The following NRG3 variants were observed in gnomAD, a reference collection of about 807,000 sequenced individuals.
NRG3 encodes the protein neuregulin 3, also known as pro-neuregulin-3, membrane-bound isoform.
In NRG3, 31 loss-of-function variants were observed where a neutral mutation model predicts 66.9. That is an observed-to-expected ratio of 0.46 (90% CI 0.35 to 0.63). The LOEUF (loss-of-function observed/expected upper bound fraction) is 0.63, where lower values mean the gene tolerates loss of function less well. Ranked by LOEUF, NRG3 falls within the 20% of genes least tolerant of loss-of-function variation. NRG3 has a pLI of 0.00. For synonymous variants in NRG3, 393 were observed against 359.4 expected, an observed-to-expected ratio of 1.09 and a Z score of -1.06; for missense variants, 910 against 878.9, an observed-to-expected ratio of 1.04 and a Z score of -0.45.
rs1224575870 is a variant in NRG3 at position 82,724,936 on chromosome 10, C to A, written c.954-13641C>A. ...TGCTTCAGGGAATCATCTACACAAC[C>A]CAGGCAGAGAAGGCTGGCCTCTTTG... On this transcript the variant is annotated intron_variant, in intron 2 of 8. Coordinates refer to ENST00000372141, the MANE Select transcript of NRG3 (RefSeq NM_001010848.4). 2.6e-5 allele frequency among the ~76,000 whole-genome samples: 4 copies of A among 152,108 alleles called. No individual in the cohort carries two copies. The East Asian group carries it at 7.7e-4, about 29-fold the overall frequency.
intron 2 of NRG3, among the ~76,000 whole-genome samples, chr10:82,428,416 AT>A (rs2089588060): frequency 6.6e-6 from 1 of 151,808 alleles, no homozygotes; most frequent in Non-Finnish European, 1.5e-5. Context: ...TGATTTCCTA[AT>A]TCCCCTTGTG....
chr10:81,876,036 C>G lies in NRG3; in HGVS notation c.696C>G (p.Ser232=), dbSNP rs755158937. The G allele has an allele frequency of 6.2e-7, 1 of 1,613,926 alleles. No homozygotes were observed. Among genetic ancestry groups the G allele is most frequent in the South Asian group, 1.1e-5 (1 of 91,082 alleles). Reference sequence around the variant, plus strand: ...GGCCTACTGCGGCATACGCTACCTCCTCCTACCTTCACGATTCTACTCCCT... The same window carrying G: ...GGCCTACTGCGGCATACGCTACCTCGTCCTACCTTCACGATTCTACTCCCT... ...PSWPTAAYAT[S]SYLHDSTPSW... The change falls in exon 1 of 9, where the codon TCC becomes TCG. Residue 232 remains serine (S), a synonymous_variant. Transcript: ENST00000372141.
intron 1 of NRG3, among the ~76,000 whole-genome samples, chr10:82,209,210 C>T (rs887885666): frequency 6.6e-6 from 1 of 152,148 alleles, no homozygotes; most frequent in African/African-American, 2.4e-5. Context: ...ATCATTTCAG[C>T]AGCAGCAGTA....
At chr10:82,398,535 G>A (rs531897841) in intron 2 of NRG3, among the ~76,000 whole-genome samples, 1 of 151,098 alleles carries the variant, frequency 6.6e-6, no homozygotes, top group South Asian at 2.1e-4. Context: ...GTGAGAGAGA[G>A]AGAGAGAGAG....
At chr10:82,790,868 T>C (rs1325812731) in intron 3 of NRG3, among the ~76,000 whole-genome samples, 3 of 151,920 alleles carry the variant, frequency 2.0e-5, no homozygotes, top group African/African-American at 7.2e-5. Context: ...TTTGAACCCC[T>C]CTAGTGAACT....
chr10:82,424,452 TA>T (rs1564905650), intron 2 of NRG3, among the ~76,000 whole-genome samples: 1 of 152,034 alleles, frequency 6.6e-6, no homozygotes, highest in Non-Finnish European at 1.5e-5. Flanking sequence ...TTTGGAGTAA[TA>T]TTTTTCAAAT....
At chr10:82,402,933 T>A (rs954654468) in intron 2 of NRG3, among the ~76,000 whole-genome samples, 12 of 152,168 alleles carry the variant, frequency 7.9e-5, no homozygotes, top group African/African-American at 2.9e-4. Flanking sequence ...TCTCAATAAT[T>A]GAGTTTTTAA....
At chr10:82,664,604 G>A (rs887328710) in intron 2 of NRG3, among the ~76,000 whole-genome samples, 7 of 152,070 alleles carry the variant, frequency 4.6e-5, no homozygotes, top group African/African-American at 9.7e-5. Context: ...TTAATAATGC[G>A]GACCATGGTA....
rs185170810 is a variant in NRG3 at position 82,448,834 on chromosome 10, A to G, written c.953+89966A>G. Among the ~76,000 whole-genome samples the G allele has an allele frequency of 4.0e-3, 608 of 152,048 alleles. 3 individuals carry two copies. The highest frequency in any genetic ancestry group is 8.1e-3 in the Admixed American group (124 of 15,280). ...TCTATAATTCAGCAATTATGTGTAT[A>G]TATATATTTATTTATTTGTATAACA... On this transcript the variant is annotated intron_variant, in intron 2 of 8. Transcript: ENST00000372141.
chr10:81,952,435 A>AG (rs1368254751), intron 1 of NRG3, among the ~76,000 whole-genome samples: 1 of 151,896 alleles, frequency 6.6e-6, no homozygotes, highest in Non-Finnish European at 1.5e-5. Context: ...AGAAGGCGGC[A>AG]GGGGGGTGCG....
At chr10:81,965,938 T>C (rs2059715271) in intron 1 of NRG3, among the ~76,000 whole-genome samples, 1 of 152,134 alleles carries the variant, frequency 6.6e-6, no homozygotes, top group African/African-American at 2.4e-5. Flanking sequence ...TAAGATAAGA[T>C]GATGGGGAAA....
chr10:82,780,609 A>G (rs1048713418), intron 3 of NRG3, among the ~76,000 whole-genome samples: 21 of 147,092 alleles, frequency 1.4e-4, no homozygotes, highest in African/African-American at 5.3e-4. Context: ...TCAGTCTTTT[A>G]TTTCAACAGG....
Position 82,518,639 on chromosome 10 carries a change from G to A in NRG3, c.953+159771G>A, listed in dbSNP as rs189071649. On this transcript the variant is annotated intron_variant, in intron 2 of 8. Transcript: ENST00000372141. ...TAGGCTTGTATTTTTATTATGATAT[G>A]TGAAGCAGTTAACATAACTCATATT... 2.9e-3 allele frequency among the ~76,000 whole-genome samples: 442 copies of A among 152,248 alleles called. 2 individuals carry two copies. Among genetic ancestry groups the A allele is most frequent in the African/African-American group, 0.01 (435 of 41,534 alleles).
chr10:82,863,966 G>C (rs1175411731), intron 3 of NRG3, among the ~76,000 whole-genome samples: 1 of 152,132 alleles, frequency 6.6e-6, no homozygotes, highest in African/African-American at 2.4e-5. Context: ...AAATGCCAGG[G>C]AAATAAATGA....
intron 2 of NRG3, among the ~76,000 whole-genome samples, chr10:82,604,424 T>C (rs1397420416): frequency 1.3e-5 from 2 of 152,190 alleles, no homozygotes; most frequent in African/African-American, 4.8e-5. Flanking sequence ...ACAGTTTGCT[T>C]ATCCATTCAC....
intron 1 of NRG3, among the ~76,000 whole-genome samples, chr10:82,041,701 A>G (rs913808937): frequency 6.6e-6 from 1 of 151,824 alleles, no homozygotes; most frequent in Non-Finnish European, 1.5e-5. Flanking sequence ...GTGTATGACA[A>G]AGATCTATGT....
intron 2 of NRG3, among the ~76,000 whole-genome samples, chr10:82,414,671 A>G (rs1427177109): frequency 1.3e-5 from 2 of 152,212 alleles, no homozygotes; most frequent in African/African-American, 2.4e-5. Flanking sequence ...GGAGAAAGGA[A>G]TGAATAAATA....
intron 1 of NRG3, among the ~76,000 whole-genome samples, chr10:82,207,326 C>T (rs2075168341): frequency 6.6e-6 from 1 of 151,980 alleles, no homozygotes; most frequent in South Asian, 2.1e-4. Flanking sequence ...TATTTATTTG[C>T]ACTTAGTGTT....
At chr10:82,496,700 A>G (rs1397490534) in intron 2 of NRG3, among the ~76,000 whole-genome samples, 2 of 152,172 alleles carry the variant, frequency 1.3e-5, no homozygotes, top group East Asian at 1.9e-4. Flanking sequence ...ATCAAAGTTT[A>G]CTAAACTTTT....
Sources: allele counts gnomAD v4.1 joint callset (sites outside exome capture counted in the v4.1 genomes callset), GRCh38; gene constraint gnomAD v4.1.1; transcripts MANE v1.5; gene names NCBI Gene and HGNC (gene_info 2026-07-23, HGNC 2026-07-21).